FAM240B: variants seen among roughly 807,000 people sequenced by gnomAD.
The protein encoded by FAM240B is protein FAM240B.
At chr9:38,698,594 C>T (rs1821091542) in intron 2 of FAM240B, among the ~76,000 whole-genome samples, 1 of 152,146 alleles carries the variant, frequency 6.6e-6, no homozygotes, top group Admixed American at 6.5e-5. Context: ...ATCAGCACAC[C>T]AGTTTCCTTC....
chr9:38,706,628 G>T (rs62570380), intron 1 of FAM240B, among the ~76,000 whole-genome samples: 8,375 of 152,186 alleles, frequency 0.055, 322 homozygotes, highest in Non-Finnish European at 0.086. Context: ...CTGCTTTCTG[G>T]GTAAGGGAAA....
chr9:38,707,592 C>A (rs1252666981), intron 1 of FAM240B, among the ~76,000 whole-genome samples: 1 of 150,512 alleles, frequency 6.6e-6, no homozygotes, highest in African/African-American at 2.5e-5. Flanking sequence ...CACGATGAAA[C>A]CCCGTCTCTA....
intron 2 of FAM240B, 58 bp downstream of exon 2, chr9:38,703,799 C>A (rs1481042049): frequency 2.5e-6 from 1 of 398,890 alleles, no homozygotes; most frequent in Non-Finnish European, 4.4e-6. Flanking sequence ...GTCTTCATAT[C>A]TGGCATATCT....
chr9:38,717,276 G>A (rs538253362), intron 1 of FAM240B, among the ~76,000 whole-genome samples: 1 of 151,572 alleles, frequency 6.6e-6, no homozygotes, highest in Non-Finnish European at 1.5e-5. Context: ...AGCATAATTT[G>A]GTCAAAGAGT....
At chr9:38,710,209 C>T (rs1451604325) in intron 1 of FAM240B, among the ~76,000 whole-genome samples, 1 of 152,198 alleles carries the variant, frequency 6.6e-6, no homozygotes, top group African/African-American at 2.4e-5. Context: ...ACCTCGTGAT[C>T]CGCCTGCCTC....
At chr9:38,711,165 C>T (rs753807712) in intron 1 of FAM240B, among the ~76,000 whole-genome samples, 10 of 152,196 alleles carry the variant, frequency 6.6e-5, no homozygotes, top group African/African-American at 2.4e-4. Flanking sequence ...TTTTCCTCTC[C>T]GCACTTTCTG....
chr9:38,719,934 C>T (rs894252303), intron 1 of FAM240B, 88 bp downstream of exon 1: 1 of 152,184 alleles, frequency 6.6e-6, no homozygotes, highest in African/African-American at 2.4e-5. Context: ...ATAAAGGACA[C>T]ACATATAAGG....
intron 2 of FAM240B, among the ~76,000 whole-genome samples, chr9:38,696,283 C>A (rs1380290787): frequency 2.0e-5 from 3 of 152,072 alleles, no homozygotes; most frequent in African/African-American, 7.2e-5. Context: ...TTTCTACATC[C>A]CAGTCTATTT....
intron 1 of FAM240B, among the ~76,000 whole-genome samples, chr9:38,708,838 T>C (rs995749594): frequency 5.9e-5 from 9 of 152,210 alleles, no homozygotes; most frequent in Non-Finnish European, 1.3e-4. Flanking sequence ...ATGCTTTGCT[T>C]CTTATTGACT....
chr9:38,710,536 G>GTT (rs1475538936), intron 1 of FAM240B, among the ~76,000 whole-genome samples: 4 of 152,134 alleles, frequency 2.6e-5, no homozygotes, highest in Non-Finnish European at 5.9e-5. Flanking sequence ...TGTTTCCCCA[G>GTT]TTTTTATAAA....
chr9:38,716,203 G>A (rs1388873332), intron 1 of FAM240B, among the ~76,000 whole-genome samples: 1 of 152,196 alleles, frequency 6.6e-6, no homozygotes, highest in Non-Finnish European at 1.5e-5. Context: ...CCGGTGCGGT[G>A]GCTCAAGCCA....
intron 2 of FAM240B, among the ~76,000 whole-genome samples, chr9:38,697,325 G>T (rs1237284008): frequency 6.6e-6 from 1 of 152,186 alleles, no homozygotes; most frequent in Non-Finnish European, 1.5e-5. Flanking sequence ...TGGTATTAAT[G>T]CAGGCCCGTC....
At chr9:38,704,586 CT>C (rs1311004559) in intron 1 of FAM240B, among the ~76,000 whole-genome samples, 1 of 152,132 alleles carries the variant, frequency 6.6e-6, no homozygotes, top group African/African-American at 2.4e-5. Flanking sequence ...TTAAGAGTTA[CT>C]TCAGTTGTGT....
At chr9:38,697,509 G>A (rs908737438) in intron 2 of FAM240B, among the ~76,000 whole-genome samples, 1 of 152,076 alleles carries the variant, frequency 6.6e-6, no homozygotes, top group African/African-American at 2.4e-5. Context: ...CATTTCTCTG[G>A]CTTCGTGGTG....
At chr9:38,716,584 G>C (rs554833085) in intron 1 of FAM240B, among the ~76,000 whole-genome samples, 82 of 152,292 alleles carry the variant, frequency 5.4e-4, no homozygotes, top group Non-Finnish European at 9.6e-4. Context: ...AAAGAATTTA[G>C]AGCTAAAAGC....
In FAM240B at chr9:38,716,805, G is replaced by A. The variant is rs560890914; in HGVS notation, c.-4+3217C>T. On this transcript the variant is annotated intron_variant, in intron 1 of 2. Coordinates refer to ENST00000637493, the MANE Select transcript of FAM240B (RefSeq NM_001394922.1). ...GTATATTTCTTAAGAGTGCGCTCTA[G>A]CCAGGAACTGACTTCCCAAAATAGC... is the stretch of plus-strand genomic sequence containing the variant. 1.1e-3 allele frequency among the ~76,000 whole-genome samples: 166 copies of A among 152,306 alleles called. 1 individual carries two copies. Among genetic ancestry groups the A allele is most frequent in the African/African-American group, 3.9e-3 (162 of 41,578 alleles).
chr9:38,712,110 T>C (rs963629584), intron 1 of FAM240B, among the ~76,000 whole-genome samples: 3 of 152,160 alleles, frequency 2.0e-5, no homozygotes, highest in Admixed American at 1.3e-4. Context: ...GTCTGGGCAA[T>C]ATGACTGAGT....
chr9:38,697,309 T>C (rs1821079885), intron 2 of FAM240B, among the ~76,000 whole-genome samples: 1 of 152,210 alleles, frequency 6.6e-6, no homozygotes, highest in Non-Finnish European at 1.5e-5. Flanking sequence ...TGACTGGGCA[T>C]GGCCGTGGTA....
intron 2 of FAM240B, among the ~76,000 whole-genome samples, chr9:38,696,302 G>A (rs968894636): frequency 2.0e-5 from 3 of 152,156 alleles, no homozygotes; most frequent in African/African-American, 7.2e-5. Context: ...TTTCCTCGGA[G>A]TGGCTCCCAG....
Sources: gnomAD v4.1 joint callset for allele counts (sites outside exome capture counted in the v4.1 genomes callset) on GRCh38, gnomAD v4.1.1 for gene constraint, MANE v1.5 for transcripts, NCBI Gene and HGNC (gene_info 2026-07-23, HGNC 2026-07-21) for gene names.